The following PAPSS2 variants were observed in gnomAD, a reference collection of about 807,000 sequenced individuals.
PAPSS2 encodes bifunctional 3'-phosphoadenosine 5'-phosphosulfate synthase 2.
PAPSS2 carries 61 observed loss-of-function variants against 66.5 expected under a neutral mutation model. That is an observed-to-expected ratio of 0.92 (90% CI 0.75 to 1.14). The LOEUF (loss-of-function observed/expected upper bound fraction) is 1.14. PAPSS2 is among the 50% of genes most tolerant of loss of function. The pLI is 0.00. For synonymous variants in PAPSS2, 289 were observed against 287.5 expected, an observed-to-expected ratio of 1.01 and a Z score of -0.05; for missense variants, 708 against 789.6, an observed-to-expected ratio of 0.90 and a Z score of 1.24.
chr10:87,709,066 A>C (rs557623886), intron 1 of PAPSS2, 130 bp from the exon 2 acceptor site: 50 of 622,932 alleles, frequency 8.0e-5, no homozygotes, highest in Admixed American at 1.2e-4. Flanking sequence ...CTCTTTCAAA[A>C]TATTTTTTAT....
intron 6 of PAPSS2, 147 bp downstream of exon 6, chr10:87,715,245 A>G (rs552187659): frequency 1.5e-6 from 1 of 670,328 alleles, no homozygotes; most frequent in African/African-American, 1.8e-5. Context: ...AGTTATTTTT[A>G]ACCTCTTCTC....
rs138136223 is a variant in PAPSS2 at position 87,746,249 on chromosome 10, C to CAGGT, written c.*280_*283dup. 1,144 of 225,660 alleles carry CAGGT rather than the reference C, an allele frequency of 5.1e-3. 18 individuals are homozygous for CAGGT. The highest frequency in any genetic ancestry group is 0.025 in the African/African-American group (1,072 of 42,570). 14.0% of individuals were successfully genotyped at this position (225,660 alleles called of 1,614,324 possible). On this transcript the variant is annotated 3_prime_UTR_variant, in exon 13 of 13. Coordinates refer to ENST00000456849, the MANE Select transcript of PAPSS2 (RefSeq NM_001015880.2). ...GTATTTTCTACTGCACCTGAGCAGG[C>CAGGT]AGGTCCCAGATTTCTTAAGGCTTTG...
chr10:87,669,098 T>G (rs571170709), intron 1 of PAPSS2, among the ~76,000 whole-genome samples: 39 of 152,352 alleles, frequency 2.6e-4, no homozygotes, highest in African/African-American at 9.4e-4. Flanking sequence ...TTTTGAAATA[T>G]TTTTGATTGG....
chr10:87,669,083 G>C (rs1852846007), intron 1 of PAPSS2, among the ~76,000 whole-genome samples: 1 of 152,150 alleles, frequency 6.6e-6, no homozygotes, highest in African/African-American at 2.4e-5. Flanking sequence ...GATGTAACTT[G>C]ACCGTTTTGA....
rs367885911 is a variant in PAPSS2, at chr10:87,713,312, TAAAAAAAAAA to T, written c.381+15_381+24del. The stretch of plus-strand genomic sequence containing the variant: ...AGCTTTATTTCTCCATTCGCAAAGG[TAAAAAAAAAA>T]AAAAAAAAAAAAGGCACTACACACG... On this transcript the variant is annotated splice_donor_5th_base_variant and intron_variant, in intron 3 of 12. Transcript: ENST00000456849. 1.0e-5 allele frequency: 6 copies of T among 573,430 alleles called. No homozygotes were observed. Among genetic ancestry groups the T allele is most frequent in the Admixed American group, 3.6e-5 (1 of 27,736 alleles). 35.5% of individuals were successfully genotyped at this position (573,430 alleles called of 1,614,324 possible). A position where few individuals can be genotyped will look rare whatever the true frequency, so the allele number is the denominator to read the frequency against.
chr10:87,674,049 T>C (rs1852913888), intron 1 of PAPSS2, among the ~76,000 whole-genome samples: 1 of 152,118 alleles, frequency 6.6e-6, no homozygotes, highest in Non-Finnish European at 1.5e-5. Context: ...TGGTCTAATG[T>C]TCTACCCTTC....
At chr10:87,676,922 A>G (rs1372212309) in intron 1 of PAPSS2, among the ~76,000 whole-genome samples, 2 of 141,602 alleles carry the variant, frequency 1.4e-5, no homozygotes, top group Non-Finnish European at 3.0e-5. Flanking sequence ...GGCCGGATGC[A>G]GTGGCTCATG....
chr10:87,686,286 CT>C (rs1291689328), intron 1 of PAPSS2, among the ~76,000 whole-genome samples: 14 of 144,450 alleles, frequency 9.7e-5, no homozygotes, highest in African/African-American at 3.7e-4. Context: ...CTAGACACTC[CT>C]TTACACTGTG....
chr10:87,662,961 C>T (rs1589415672), intron 1 of PAPSS2, among the ~76,000 whole-genome samples: 2 of 151,760 alleles, frequency 1.3e-5, no homozygotes, highest in South Asian at 2.1e-4. Flanking sequence ...TCACTGCAAC[C>T]TCCGCCTCCC....
intron 1 of PAPSS2, among the ~76,000 whole-genome samples, chr10:87,670,289 A>G (rs1002586067): frequency 1.3e-5 from 2 of 152,258 alleles, no homozygotes; most frequent in African/African-American, 4.8e-5. Flanking sequence ...TAGATAATAA[A>G]AAAGAAAGTA....
intron 1 of PAPSS2, among the ~76,000 whole-genome samples, chr10:87,706,100 A>ATGTGTG (rs1444689567): frequency 1.2e-5 from 1 of 80,340 alleles, no homozygotes; most frequent in African/African-American, 7.7e-5. Flanking sequence ...ATATATATAT[A>ATGTGTG]TATATATATG....
At chr10:87,713,959 T>G in intron 3 of PAPSS2, 85 bp from the exon 4 acceptor site, 2 of 1,478,156 alleles carry the variant, frequency 1.4e-6, no homozygotes, top group Non-Finnish European at 1.9e-6. Flanking sequence ...CTCAAGGCTA[T>G]TGAAAACCAA....
chr10:87,719,839 G>A (rs954737747), intron 7 of PAPSS2, among the ~76,000 whole-genome samples: 4 of 152,050 alleles, frequency 2.6e-5, no homozygotes, highest in South Asian at 2.1e-4. Flanking sequence ...AGTCCTTCCC[G>A]CCCCCCATCA....
intron 1 of PAPSS2, among the ~76,000 whole-genome samples, chr10:87,676,038 A>G (rs1852941469): frequency 8.8e-6 from 1 of 113,160 alleles, no homozygotes; most frequent in African/African-American, 3.1e-5. Flanking sequence ...TGTGGTCACT[A>G]CATTCCTCAT....
At chr10:87,723,240 A>T (rs1404166137) in intron 8 of PAPSS2, among the ~76,000 whole-genome samples, 3 of 152,216 alleles carry the variant, frequency 2.0e-5, no homozygotes, top group Non-Finnish European at 4.4e-5. Flanking sequence ...AGAAAGCATG[A>T]TTTCTAGTGA....
At chr10:87,686,608 G>C (rs1266708519) in intron 1 of PAPSS2, among the ~76,000 whole-genome samples, 1 of 152,152 alleles carries the variant, frequency 6.6e-6, no homozygotes, top group Non-Finnish European at 1.5e-5. Flanking sequence ...CTTAGATCTT[G>C]ATAGGAAAAT....
At chr10:87,697,227 G>T (rs7082641) in intron 1 of PAPSS2, among the ~76,000 whole-genome samples, 8,071 of 152,186 alleles carry the variant, frequency 0.053, 572 homozygotes, top group African/African-American at 0.17. Flanking sequence ...GGCAAAAAAC[G>T]AACATGGTTA....
intron 1 of PAPSS2, among the ~76,000 whole-genome samples, chr10:87,702,946 G>C (rs1237659686): frequency 1.3e-5 from 2 of 152,216 alleles, no homozygotes; most frequent in African/African-American, 4.8e-5. Context: ...AATCAAGGCT[G>C]AGGCTCCCTG....
intron 1 of PAPSS2, among the ~76,000 whole-genome samples, chr10:87,699,582 T>TGGCTCAGCCTGTAA (rs1209103300): frequency 8.5e-5 from 13 of 152,220 alleles, no homozygotes; most frequent in Non-Finnish European, 1.3e-4. Flanking sequence ...CTGGGAGCGG[T>TGGCTCAGCCTGTAA]GGCTCACGCC....
Sources: allele counts gnomAD v4.1 joint callset (sites outside exome capture counted in the v4.1 genomes callset), GRCh38; gene constraint gnomAD v4.1.1; transcripts MANE v1.5; gene names NCBI Gene and HGNC (gene_info 2026-07-23, HGNC 2026-07-21).